The following PTK2B variants were observed in gnomAD, a reference collection of about 807,000 sequenced individuals.
The protein encoded by PTK2B is protein tyrosine kinase 2 beta.
PTK2B carries 71 observed loss-of-function variants against 142.9 expected under a neutral mutation model. The observed-to-expected ratio is 0.50, with a 90% CI of 0.41 to 0.61. The LOEUF is 0.61. Among genes scored for constraint, PTK2B ranks in the 20% least tolerant of loss-of-function variants. The pLI is 0.00. For synonymous variants in PTK2B, 519 were observed against 503.4 expected, an observed-to-expected ratio of 1.03 and a Z score of -0.42; for missense variants, 1,105 against 1,320.4, an observed-to-expected ratio of 0.84 and a Z score of 2.53.
intron 2 of PTK2B, among the ~76,000 whole-genome samples, chr8:27,400,980 T>C (rs1263748705): frequency 1.9e-5 from 2 of 107,690 alleles, no homozygotes; most frequent in Admixed American, 1.9e-4. Context: ...ACCCCATCTC[T>C]ACCAAAAAAT....
At chr8:27,362,687 C>G (rs1051062261) in intron 1 of PTK2B, among the ~76,000 whole-genome samples, 2 of 151,900 alleles carry the variant, frequency 1.3e-5, no homozygotes, top group African/African-American at 2.4e-5. Context: ...TTGTAGCAGC[C>G]TCCCCTTCCA....
At chr8:27,361,317 C>T (rs1805689731) in intron 1 of PTK2B, among the ~76,000 whole-genome samples, 1 of 152,280 alleles carries the variant, frequency 6.6e-6, no homozygotes. Context: ...CTCCTGGGCT[C>T]AGGTGATCCT....
At chr8:27,376,120 G>T (rs906972596) in intron 1 of PTK2B, among the ~76,000 whole-genome samples, 1 of 152,198 alleles carries the variant, frequency 6.6e-6, no homozygotes, top group African/African-American at 2.4e-5. Context: ...AGAGAGTCCA[G>T]GGGTGCTTGA....
chr8:27,366,339 A>G (rs75251946), intron 1 of PTK2B, among the ~76,000 whole-genome samples: 2,987 of 152,076 alleles, frequency 0.02, 102 homozygotes, highest in African/African-American at 0.068. Context: ...CCCAGTTCCC[A>G]TCTTCTGAGG....
upstream of PTK2B, chr8:27,310,715 C>T: frequency 1.4e-6 from 2 of 1,421,704 alleles, no homozygotes; most frequent in Non-Finnish European, 1.9e-6. Context: ...TGGGCTCTGG[C>T]AGGCAGGAGG....
At chr8:27,452,583 A>G (rs1307202398) in intron 27 of PTK2B, 2 of 152,398 alleles carry the variant, frequency 1.3e-5, no homozygotes, top group Admixed American at 6.6e-5. Flanking sequence ...AAAAAGAACA[A>G]AGTGTGCTGA....
chr8:27,451,445 G>A (rs753558044), intron 26 of PTK2B, 40 bp from the exon 27 acceptor site: 12 of 1,612,498 alleles, frequency 7.4e-6, no homozygotes, highest in Admixed American at 1.7e-5. Context: ...CTCCACAGCC[G>A]CATGAGTGAC....
intron 5 of PTK2B, among the ~76,000 whole-genome samples, chr8:27,429,029 C>T (rs1044440624): frequency 3.9e-5 from 6 of 152,128 alleles, no homozygotes; most frequent in Admixed American, 2.0e-4. Context: ...AAGTGATTCT[C>T]CTGCCTCAGC....
chr8:27,432,061 C>G, intron 9 of PTK2B, 199 bp from the exon 10 acceptor site: 1 of 510,068 alleles, frequency 2.0e-6, no homozygotes, highest in Non-Finnish European at 3.5e-6. Flanking sequence ...AATTCTTCTT[C>G]CAATGTGGCC....
chr8:27,352,132 C>A (rs1431563764), intron 1 of PTK2B, among the ~76,000 whole-genome samples: 1 of 152,212 alleles, frequency 6.6e-6, no homozygotes, highest in African/African-American at 2.4e-5. Context: ...TGACCAAACA[C>A]CCTTCTGCTC....
At chr8:27,342,036 A>G (rs1804432779) in intron 1 of PTK2B, among the ~76,000 whole-genome samples, 1 of 152,098 alleles carries the variant, frequency 6.6e-6, no homozygotes. Flanking sequence ...ATCTGGGGAG[A>G]GCAAGAATTG....
intron 8 of PTK2B, 85 bp from the exon 9 acceptor site, chr8:27,431,313 G>A (rs187070578): frequency 1.2e-5 from 19 of 1,598,368 alleles, no homozygotes; most frequent in African/African-American, 4.0e-5. Context: ...AGTGGCTTGT[G>A]TCTAGCTTAG....
At chr8:27,349,894 C>G (rs1804943344) in intron 1 of PTK2B, among the ~76,000 whole-genome samples, 1 of 152,196 alleles carries the variant, frequency 6.6e-6, no homozygotes, top group African/African-American at 2.4e-5. Flanking sequence ...TCATCACAGG[C>G]AGTCTTTGTC....
intron 2 of PTK2B, among the ~76,000 whole-genome samples, chr8:27,312,982 G>T (rs917194031): frequency 6.6e-6 from 1 of 152,184 alleles, no homozygotes; most frequent in Non-Finnish European, 1.5e-5. Context: ...GAATTAGACT[G>T]AGGGGCATGA....
chr8:27,385,951 G>C (rs1807327717), intron 1 of PTK2B, among the ~76,000 whole-genome samples: 1 of 150,492 alleles, frequency 6.6e-6, no homozygotes, highest in Admixed American at 6.6e-5. Flanking sequence ...ATGCATAGGA[G>C]AGAGGTCCAG....
At chr8:27,401,040 G>A (rs1289538960) in intron 2 of PTK2B, among the ~76,000 whole-genome samples, 1 of 152,182 alleles carries the variant, frequency 6.6e-6, no homozygotes, top group African/African-American at 2.4e-5. Flanking sequence ...TCAGGAGGCT[G>A]AGGCAAGACA....
At chr8:27,387,144 G>T (rs931034513) in intron 1 of PTK2B, among the ~76,000 whole-genome samples, 25 of 152,250 alleles carry the variant, frequency 1.6e-4, no homozygotes, top group African/African-American at 5.8e-4. Context: ...GTGGAGGGAA[G>T]GTTGGGGGTC....
intron 2 of PTK2B, among the ~76,000 whole-genome samples, chr8:27,408,934 C>T (rs534141713): frequency 6.6e-6 from 1 of 152,300 alleles, no homozygotes; most frequent in South Asian, 2.1e-4. Flanking sequence ...GGGCCCTGCT[C>T]CCTCTGAAGT....
chr8:27,341,518 G>T (rs117140858), intron 1 of PTK2B, among the ~76,000 whole-genome samples: 1,725 of 152,280 alleles, frequency 0.011, 14 homozygotes, highest in East Asian at 0.036. Flanking sequence ...GTGAGTGGAG[G>T]ACTCCCTGGC....
Sources: allele counts gnomAD v4.1 joint callset (sites outside exome capture counted in the v4.1 genomes callset), GRCh38; gene constraint gnomAD v4.1.1; transcripts MANE v1.5; gene names NCBI Gene and HGNC (gene_info 2026-07-23, HGNC 2026-07-21).